The following FGD4 variants were observed in gnomAD, a reference collection of about 807,000 sequenced individuals.
FGD4 encodes the protein FYVE, RhoGEF and PH domain-containing protein 4.
Under a neutral mutation model 102.0 loss-of-function variants are expected in FGD4, and 42 were observed. That is an observed-to-expected ratio of 0.41 (90% confidence interval 0.32 to 0.53). The LOEUF is 0.53. FGD4 is among the 20% of genes least tolerant of loss of function. FGD4 has a pLI of 0.21. For missense variants in FGD4, 902 were observed against 1,078.2 expected, an observed-to-expected ratio of 0.84 and a Z score of 2.29; for synonymous variants, 380 against 375.7, an observed-to-expected ratio of 1.01 and a Z score of -0.13.
At chr12:32,574,934 A>C (rs937351517) in intron 2 of FGD4, 1 of 152,198 alleles carries the variant, frequency 6.6e-6, no homozygotes, top group Non-Finnish European at 1.5e-5. Context: ...GCTTATTTAA[A>C]AATACTACAT....
rs12304508 is a variant in FGD4, at chr12:32,534,544, C to T, written c.167-29593C>T. The T allele has an allele frequency of 0.012, 15,232 of 1,306,654 alleles. 1,355 individuals are homozygous for T. The African/African-American group carries it at 0.2, about 17-fold the overall frequency. The allele number at this position is 1,306,654 out of a possible 1,614,324, so 80.9% of individuals were successfully genotyped here. A position where few individuals can be genotyped will look rare whatever the true frequency, so the allele number is the denominator to read the frequency against. ...GTAGATATATTTTTTTCTTCCCCAGCGTGGGTCACTTTATAACACTGCATG... is the reference window on the plus strand; with the variant it reads ...GTAGATATATTTTTTTCTTCCCCAGTGTGGGTCACTTTATAACACTGCATG... On this transcript the variant is annotated intron_variant, in intron 1 of 16. Transcript: ENST00000534526.
In FGD4 at chr12:32,516,320, T is replaced by G. The variant is rs549097745; in HGVS notation, c.167-47817T>G. The stretch of plus-strand genomic sequence containing the variant: ...CCATGCCTGGCTAATTTTTTAATTT[T>G]TTTTATAGAGAGGGAGTTCCACTCT... On this transcript the variant is annotated intron_variant, in intron 1 of 16. Coordinates refer to ENST00000534526, the MANE Select transcript of FGD4 (RefSeq NM_001370298.3). 2.0e-5 allele frequency among the ~76,000 whole-genome samples: 3 copies of G among 152,274 alleles called. No homozygotes were observed. In the South Asian group the frequency reaches 6.2e-4, roughly 32 times the overall value.
In FGD4 at chr12:32,552,636, G is replaced by A. The variant is rs572391485; in HGVS notation, c.167-11501G>A. ...GAAAGGGAAACCTCCATTAGTACAT[G>A]GAACTCGGGCAGTAGTGAGGGCAAA... On this transcript the variant is annotated intron_variant, in intron 1 of 16. Transcript: ENST00000534526. Among the ~76,000 whole-genome samples the A allele has an allele frequency of 4.7e-4, 72 of 152,000 alleles. 1 individual carries two copies. The highest frequency in any genetic ancestry group is 1.6e-3 in the African/African-American group (67 of 41,458).
chr12:32,530,294 C>T (rs1207935061), intron 1 of FGD4, among the ~76,000 whole-genome samples: 1 of 152,144 alleles, frequency 6.6e-6, no homozygotes, highest in African/African-American at 2.4e-5. Context: ...ACCAGACTGG[C>T]CAACATGGTG....
chr12:32,564,853 G>C (rs1329916725), intron 2 of FGD4, among the ~76,000 whole-genome samples: 1 of 152,140 alleles, frequency 6.6e-6, no homozygotes, highest in African/African-American at 2.4e-5. Context: ...TTTTTTCAGT[G>C]ACCATTTCCT....
chr12:32,633,429 TC>T (rs1451835466), intron 14 of FGD4, 119 bp from the exon 15 acceptor site: 1 of 1,097,032 alleles, frequency 9.1e-7, no homozygotes, highest in Non-Finnish European at 1.3e-6. Flanking sequence ...ATGTTCCTTT[TC>T]TAACAAAAAT....
chr12:32,496,794 A>G (rs1937849297), intron 1 of FGD4, among the ~76,000 whole-genome samples: 1 of 152,202 alleles, frequency 6.6e-6, no homozygotes, highest in South Asian at 2.1e-4. Context: ...AAAAATATGG[A>G]TAAGAATTAA....
intron 1 of FGD4, among the ~76,000 whole-genome samples, chr12:32,473,083 T>C (rs1342637142): frequency 6.6e-6 from 1 of 150,954 alleles, no homozygotes; most frequent in Non-Finnish European, 1.5e-5. Flanking sequence ...TGTATCTAAC[T>C]AATCTGTTGG....
intron 4 of FGD4, among the ~76,000 whole-genome samples, chr12:32,594,872 C>G (rs1592337553): frequency 6.6e-6 from 1 of 151,780 alleles, no homozygotes; most frequent in South Asian, 2.1e-4. Context: ...TCTACTAAAA[C>G]TACAAAAAAT....
intron 1 of FGD4, among the ~76,000 whole-genome samples, chr12:32,509,712 A>G (rs1301361321): frequency 6.6e-6 from 1 of 152,178 alleles, no homozygotes; most frequent in African/African-American, 2.4e-5. Context: ...AAACAACACA[A>G]AGGTGTCTCA....
intron 7 of FGD4, among the ~76,000 whole-genome samples, chr12:32,603,909 G>A (rs1043455632): frequency 6.6e-6 from 1 of 152,038 alleles, no homozygotes; most frequent in Admixed American, 6.5e-5. Flanking sequence ...TGGCTATGTT[G>A]CCCAGGCTGG....
At chr12:32,514,100 AAC>A (rs1939652023) in intron 1 of FGD4, among the ~76,000 whole-genome samples, 1 of 152,250 alleles carries the variant, frequency 6.6e-6, no homozygotes, top group Non-Finnish European at 1.5e-5. Flanking sequence ...GTTGCCTATC[AAC>A]AGGTGACTGT....
chr12:32,400,103 C>T (rs1199023598), intron 1 of FGD4, 144 bp downstream of exon 1: 9 of 1,191,286 alleles, frequency 7.6e-6, no homozygotes, highest in Non-Finnish European at 1.0e-5. Flanking sequence ...AGGCTGCGCT[C>T]GGCCACCCAC....
At chr12:32,439,010 C>CTTTA (rs1013974730) in intron 1 of FGD4, among the ~76,000 whole-genome samples, 1 of 152,178 alleles carries the variant, frequency 6.6e-6, no homozygotes, top group African/African-American at 2.4e-5. Flanking sequence ...TATTACCTCA[C>CTTTA]TTATAATTTA....
chr12:32,457,476 A>G (rs747328419), intron 1 of FGD4, among the ~76,000 whole-genome samples: 3 of 152,228 alleles, frequency 2.0e-5, no homozygotes, highest in African/African-American at 7.2e-5. Flanking sequence ...TGCCACAAGT[A>G]TATGTCACAA....
At position 32,619,806 on chromosome 12, in the gene FGD4, A is replaced by G; in HGVS notation, c.1858A>G (p.Asn620Asp). ...TGGAATGAAAATTGTAGAGACTCAA[A>G]ATGAAGAATATCCACATACTTTCCA... ...IDGMKIVETQ[N>D]EEYPHTFQVS... The change falls in exon 11 of 17, where the codon AAT becomes GAT. Residue 620 changes from asparagine to aspartate, a missense_variant. By Grantham distance (23) the Asn-to-Asp change is conservative (BLOSUM62 1). Around this residue, in one of 2 missense-constraint regions of FGD4, gnomAD observed 459 missense variants for 619.0 expected, o/e 0.74. Transcript: ENST00000534526. 6.2e-7 allele frequency: 1 copy of G among 1,614,196 alleles called. No homozygotes were observed. Among genetic ancestry groups the G allele is most frequent in the Non-Finnish European group, 8.5e-7 (1 of 1,180,032 alleles).
chr12:32,584,260 C>CAT (rs1264523731), intron 4 of FGD4, among the ~76,000 whole-genome samples: 1 of 152,206 alleles, frequency 6.6e-6, no homozygotes, highest in African/African-American at 2.4e-5. Flanking sequence ...GTTAGGATTT[C>CAT]ATAAGTGTGC....
intron 1 of FGD4, among the ~76,000 whole-genome samples, chr12:32,554,215 C>T (rs921468826): frequency 6.6e-6 from 1 of 151,956 alleles, no homozygotes; most frequent in Non-Finnish European, 1.5e-5. Flanking sequence ...CAATCTGCTT[C>T]TGGGTTGTGA....
At chr12:32,543,817 C>T (rs1407765104) in intron 1 of FGD4, among the ~76,000 whole-genome samples, 4 of 151,918 alleles carry the variant, frequency 2.6e-5, no homozygotes, top group African/African-American at 7.3e-5. Context: ...TTAGTAGAGA[C>T]GGGGTTTCAC....
Sources: gnomAD v4.1 joint callset for allele counts (sites outside exome capture counted in the v4.1 genomes callset) on GRCh38, gnomAD v4.1.1 for gene constraint, gnomAD v4.1.1 regional missense constraint, MANE v1.5 for transcripts, NCBI Gene and HGNC (gene_info 2026-07-23, HGNC 2026-07-21) for gene names.